Variants in DHRS12 observed in about 807,000 individuals in gnomAD.
The protein encoded by DHRS12 is dehydrogenase/reductase SDR family member 12.
A neutral mutation model predicts 32.1 loss-of-function variants in DHRS12; 29 were observed. That is an observed-to-expected ratio of 0.90 (90% CI 0.67 to 1.23). The LOEUF is 1.23. Among genes scored for constraint, DHRS12 ranks in the 50% most tolerant of loss-of-function variants. The pLI is 0.00. For missense variants in DHRS12, 330 were observed against 337.2 expected (o/e 0.98, Z 0.17); for synonymous variants, 150 against 135.9 (o/e 1.10, Z -0.72).
rs1566269402 is a variant in DHRS12 at position 51,768,264 on chromosome 13, C to CG, written c.729dup (p.Ala244ArgfsTer15). On this transcript the variant is annotated frameshift_variant, in exon 9 of 9. Transcript: ENST00000444610. LOFTEE classifies it low-confidence loss of function (END_TRUNC). ...TCGGCCGGTGAGGAGGACGCTGTAGCGAGAGGCAAGTGTGTAGAAACTGGC... is the reference window on the plus strand; with the variant it reads ...TCGGCCGGTGAGGAGGACGCTGTAGCGGAGAGGCAAGTGTGTAGAAACTGGC... 1 of 1,536,018 alleles carries CG rather than the reference C, an allele frequency of 6.5e-7. No homozygotes were observed. Among genetic ancestry groups the CG allele is most frequent in the Admixed American group, 2.0e-5 (1 of 50,990 alleles).
intron 7 of DHRS12, chr13:51,771,056 C>T (rs1015496022): frequency 9.1e-6 from 13 of 1,434,704 alleles, no homozygotes; most frequent in Non-Finnish European, 1.2e-5. Context: ...TGGCCAGGCC[C>T]GGCTGGGAGG....
At chr13:51,786,530 C>T (rs1459852741) in intron 4 of DHRS12, among the ~76,000 whole-genome samples, 6 of 152,202 alleles carry the variant, frequency 3.9e-5, no homozygotes, top group African/African-American at 1.4e-4. Context: ...CATGGCTCAA[C>T]TGTGCATCAA....
chr13:51,784,860 G>A (rs1954879834), intron 4 of DHRS12, among the ~76,000 whole-genome samples: 1 of 152,182 alleles, frequency 6.6e-6, no homozygotes, highest in Non-Finnish European at 1.5e-5. Context: ...CCCCCACTAG[G>A]CCAGCAGTCC....
intron 4 of DHRS12, among the ~76,000 whole-genome samples, chr13:51,787,765 A>C (rs941389964): frequency 8.9e-6 from 1 of 112,274 alleles, no homozygotes; most frequent in African/African-American, 3.5e-5. Flanking sequence ...ATATATAATT[A>C]TATAAATTAT....
downstream of DHRS12, chr13:51,767,695 G>C (rs996154766): frequency 6.7e-6 from 1 of 149,456 alleles, no homozygotes; most frequent in Admixed American, 6.9e-5. Flanking sequence ...TCATTAAATT[G>C]TTTGTGTAAA....
intron 6 of DHRS12, among the ~76,000 whole-genome samples, chr13:51,773,590 G>T (rs900475486): frequency 6.6e-6 from 1 of 151,986 alleles, no homozygotes; most frequent in East Asian, 1.9e-4. Context: ...GCCAAGAGCC[G>T]CCCAAAGGAG....
At chr13:51,767,250 A>C (rs546174175), downstream of DHRS12, 10 of 152,360 alleles carry the variant, frequency 6.6e-5, no homozygotes, top group African/African-American at 2.4e-4. Context: ...CGTCGCCCAC[A>C]CCCAGCATTG....
At chr13:51,773,816 G>A in intron 6 of DHRS12, 114 bp downstream of exon 6, 1 of 843,416 alleles carries the variant, frequency 1.2e-6, no homozygotes, top group South Asian at 1.6e-5. Context: ...ATTTTCAGGT[G>A]CTGCATGAAC....
At chr13:51,755,262 C>A in the DHRS12 span, 1 of 1,138,952 alleles carries the variant, frequency 8.8e-7, no homozygotes, top group Non-Finnish European at 1.3e-6. Flanking sequence ...TTCTTTTAAA[C>A]ACATCCTGAT....
At chr13:51,767,124 T>A (rs534523728), downstream of DHRS12, 1 of 152,258 alleles carries the variant, frequency 6.6e-6, no homozygotes, top group Non-Finnish European at 1.5e-5. Context: ...TTAAAACTTG[T>A]GAGGTTCATT....
intron 3 of DHRS12, among the ~76,000 whole-genome samples, chr13:51,790,598 AC>A (rs1048280318): frequency 1.3e-4 from 20 of 152,182 alleles, no homozygotes; most frequent in African/African-American, 4.8e-4. Context: ...TGGACTAGCT[AC>A]ATTTCAAATG....
At chr13:51,799,426 C>T (rs1431536843) in intron 2 of DHRS12, 108 bp downstream of exon 2, 11 of 1,496,604 alleles carry the variant, frequency 7.3e-6, no homozygotes, top group South Asian at 2.7e-5. Context: ...ATGGGATCGC[C>T]GTCCAGGACT....
the DHRS12 span, among the ~76,000 whole-genome samples, chr13:51,758,753 G>A: frequency 2.0e-5 from 3 of 152,044 alleles, no homozygotes; most frequent in East Asian, 3.9e-4. Flanking sequence ...CAGTCAAAAC[G>A]GTAATACATA....
At chr13:51,756,285 G>T in the DHRS12 span, 9 of 1,577,056 alleles carry the variant, frequency 5.7e-6, no homozygotes, top group Non-Finnish European at 7.8e-6. Flanking sequence ...GGGGCCTCAG[G>T]AGCTGAGGGA....
chr13:51,768,420 C>A lies in DHRS12; in HGVS notation c.698-124G>T, dbSNP rs548261277. 74 of 1,471,130 alleles carry A rather than the reference C, an allele frequency of 5.0e-5. No homozygotes were observed. In the East Asian group the frequency reaches 1.7e-3, roughly 34 times the overall value. 91.1% of individuals were successfully genotyped at this position (1,471,130 alleles called of 1,614,324 possible). On this transcript the variant is annotated intron_variant, in intron 8 of 8. Transcript: ENST00000444610. Reference sequence around the variant, plus strand: ...GTGGCAGCACCCTACAGCTGTTAGACCCCCATCCCTGCTGTCAAAGGTCCC... The same window carrying A: ...GTGGCAGCACCCTACAGCTGTTAGAACCCCATCCCTGCTGTCAAAGGTCCC...
rs188089140 is a variant in DHRS12 at position 51,789,998 on chromosome 13, T to C, written c.301+13A>G. On this transcript the variant is annotated intron_variant, in intron 4 of 8. Coordinates refer to ENST00000444610, the MANE Select transcript of DHRS12 (RefSeq NM_001377533.1). Reference sequence around the variant, plus strand: ...TTTTGCTAAAAACAAATAAGAAAACTTCTTGTACTTACCCAGAGTATTGGC... The same window carrying C: ...TTTTGCTAAAAACAAATAAGAAAACCTCTTGTACTTACCCAGAGTATTGGC... 7.6e-6 allele frequency: 12 copies of C among 1,587,550 alleles called. No homozygotes were observed. The highest frequency in any genetic ancestry group is 1.0e-5 in the Non-Finnish European group (12 of 1,172,446).
At chr13:51,756,375 G>C in the DHRS12 span, 1 of 1,613,986 alleles carries the variant, frequency 6.2e-7, no homozygotes, top group Non-Finnish European at 8.5e-7. Flanking sequence ...GGCAAGTGCA[G>C]CTCCAAGCGC....
intron 6 of DHRS12, 113 bp from the exon 7 acceptor site, chr13:51,772,024 G>A (rs1954045316): frequency 7.2e-6 from 7 of 973,168 alleles, no homozygotes; most frequent in Admixed American, 7.2e-5. Flanking sequence ...TCTGCAGTAT[G>A]TACGGCCACT....
chr13:51,768,997 AAC>A, intron 8 of DHRS12, 157 bp downstream of exon 8: 1 of 1,424,586 alleles, frequency 7.0e-7, no homozygotes, highest in Non-Finnish European at 9.2e-7. Context: ...TCCCAAAACT[AAC>A]CTCAGCAGGC....
Sources: gnomAD v4.1 joint callset for allele counts (sites outside exome capture counted in the v4.1 genomes callset) on GRCh38, gnomAD v4.1.1 for gene constraint, MANE v1.5 for transcripts, NCBI Gene and HGNC (gene_info 2026-07-23, HGNC 2026-07-21) for gene names.